The following ARHGEF33 variants were observed in gnomAD, a reference collection of about 807,000 sequenced individuals.
The protein encoded by ARHGEF33 is Rho guanine nucleotide exchange factor 33, also known as DH and coiled-coil domain-containing protein ENSP00000381780.
In ARHGEF33, 72 loss-of-function variants were observed where a neutral mutation model predicts 101.9. The ratio of observed to expected loss-of-function variants is 0.71; its 90% CI spans 0.58 to 0.86. The LOEUF (loss-of-function observed/expected upper bound fraction) is 0.86, where lower values mean the gene tolerates loss of function less well. Among genes scored for constraint, ARHGEF33 ranks in the 40% least tolerant of loss-of-function variants. The pLI is 0.00. For synonymous variants in ARHGEF33, 499 were observed against 442.5 expected (o/e 1.13, Z -1.60); for missense variants, 1,169 against 1,111.3 (o/e 1.05, Z -0.74).
chr2:38,890,096 A>G (rs1665963185), intron 1 of ARHGEF33, 110 bp downstream of exon 1: 1 of 213,602 alleles, frequency 4.7e-6, no homozygotes, highest in Admixed American at 5.6e-5. Context: ...TAAATCCAAT[A>G]TATGCTAACA....
intron 3 of ARHGEF33, among the ~76,000 whole-genome samples, chr2:38,920,423 T>C (rs1490496233): frequency 2.6e-5 from 2 of 77,042 alleles, no homozygotes; most frequent in East Asian, 5.5e-4. Flanking sequence ...TTTTTTTTTT[T>C]TGAGACAGAG....
chr2:38,939,342 A>G (rs1469334768), intron 9 of ARHGEF33, among the ~76,000 whole-genome samples: 1 of 152,138 alleles, frequency 6.6e-6, no homozygotes, highest in African/African-American at 2.4e-5. Flanking sequence ...TCTTGGGTGT[A>G]TACCTAGGAG....
intron 9 of ARHGEF33, among the ~76,000 whole-genome samples, chr2:38,941,364 C>A (rs1667302617): frequency 6.6e-6 from 1 of 152,114 alleles, no homozygotes; most frequent in African/African-American, 2.4e-5. Flanking sequence ...TGTCAGATTT[C>A]TCTTGCGGTC....
At chr2:38,899,300 G>T (rs1019051878) in intron 2 of ARHGEF33, among the ~76,000 whole-genome samples, 3 of 152,048 alleles carry the variant, frequency 2.0e-5, no homozygotes, top group African/African-American at 7.2e-5. Flanking sequence ...TTAAATTGCT[G>T]AAAATTAAGT....
intron 17 of ARHGEF33, chr2:38,971,971 A>G: frequency 8.4e-6 from 6 of 718,540 alleles, no homozygotes; most frequent in Non-Finnish European, 1.6e-5. Flanking sequence ...TGCATGTTGG[A>G]ACCATCAAAG....
intron 3 of ARHGEF33, among the ~76,000 whole-genome samples, chr2:38,920,609 T>A (rs1666735341): frequency 6.6e-6 from 1 of 152,034 alleles, no homozygotes; most frequent in African/African-American, 2.4e-5. Flanking sequence ...GGTTTCACCA[T>A]GTTGGCCAAG....
At chr2:38,913,148 C>T (rs1443561547) in intron 2 of ARHGEF33, among the ~76,000 whole-genome samples, 4 of 151,778 alleles carry the variant, frequency 2.6e-5, no homozygotes, top group African/African-American at 4.8e-5. Context: ...ATGATCCTTC[C>T]GCCACAGCCT....
chr2:38,901,506 T>C (rs1169427596), intron 2 of ARHGEF33, among the ~76,000 whole-genome samples: 1 of 152,288 alleles, frequency 6.6e-6, no homozygotes, highest in African/African-American at 2.4e-5. Context: ...ACTTCAGACC[T>C]TGGAAGCTAA....
At chr2:38,946,024 A>T (rs1667441964) in intron 10 of ARHGEF33, among the ~76,000 whole-genome samples, 1 of 152,236 alleles carries the variant, frequency 6.6e-6, no homozygotes, top group Admixed American at 6.5e-5. Context: ...TTTCTCAGAG[A>T]GCCAGAAGGA....
chr2:38,906,214 A>T (rs1178653205), intron 2 of ARHGEF33, among the ~76,000 whole-genome samples: 3 of 151,946 alleles, frequency 2.0e-5, no homozygotes, highest in African/African-American at 7.2e-5. Context: ...AAAGAAAAAA[A>T]TTCTGAAGAA....
intron 9 of ARHGEF33, among the ~76,000 whole-genome samples, chr2:38,940,081 T>C (rs1384605111): frequency 6.6e-6 from 1 of 152,208 alleles, no homozygotes; most frequent in Non-Finnish European, 1.5e-5. Context: ...TTGTTGTATG[T>C]AGAAAGTCAA....
At chr2:38,909,890 T>C (rs1315886160) in intron 2 of ARHGEF33, among the ~76,000 whole-genome samples, 2 of 152,126 alleles carry the variant, frequency 1.3e-5, no homozygotes, top group Non-Finnish European at 2.9e-5. Context: ...ATTCTATTAA[T>C]AGTTTTATAA....
At chr2:38,950,408 T>G (rs1162816932) in intron 10 of ARHGEF33, among the ~76,000 whole-genome samples, 1 of 152,178 alleles carries the variant, frequency 6.6e-6, no homozygotes, top group African/African-American at 2.4e-5. Flanking sequence ...AATGAGCATG[T>G]AAAAAGGTCT....
intron 11 of ARHGEF33, among the ~76,000 whole-genome samples, chr2:38,951,818 T>A (rs1276577986): frequency 2.6e-5 from 4 of 152,168 alleles, no homozygotes; most frequent in African/African-American, 9.7e-5. Flanking sequence ...GGAGATTTTT[T>A]AAAAAATGTG....
chr2:38,903,524 A>G (rs529419835), intron 2 of ARHGEF33, among the ~76,000 whole-genome samples: 10 of 152,230 alleles, frequency 6.6e-5, no homozygotes, highest in African/African-American at 2.4e-4. Context: ...GGCAGACACT[A>G]GGGGACAAAG....
chr2:38,922,877 G>T (rs1334048523), intron 4 of ARHGEF33, among the ~76,000 whole-genome samples: 2 of 152,126 alleles, frequency 1.3e-5, no homozygotes, highest in African/African-American at 2.4e-5. Context: ...GTTGTTGTGG[G>T]CAGGGGGACT....
At chr2:38,957,370 G>A (rs984552249) in intron 14 of ARHGEF33, among the ~76,000 whole-genome samples, 1 of 152,200 alleles carries the variant, frequency 6.6e-6, no homozygotes, top group Admixed American at 6.5e-5. Flanking sequence ...CCACAACATA[G>A]TTTTCTTTAT....
chr2:38,944,280 C>T (rs967415881), intron 10 of ARHGEF33, among the ~76,000 whole-genome samples: 2 of 152,142 alleles, frequency 1.3e-5, no homozygotes, highest in African/African-American at 4.8e-5. Flanking sequence ...AGTCTAAGAT[C>T]GAGGTGCTGG....
intron 10 of ARHGEF33, among the ~76,000 whole-genome samples, chr2:38,947,361 G>A (rs188605690): frequency 2.8e-4 from 42 of 152,302 alleles, no homozygotes; most frequent in Admixed American, 2.6e-3. Flanking sequence ...CTGAAACCTG[G>A]GCAGAACTTG....
Sources: allele counts gnomAD v4.1 joint callset (sites outside exome capture counted in the v4.1 genomes callset), GRCh38; gene constraint gnomAD v4.1.1; transcripts MANE v1.5; gene names NCBI Gene and HGNC (gene_info 2026-07-23, HGNC 2026-07-21).